Variants in THEMIS observed in about 807,000 individuals in gnomAD.
THEMIS encodes thymocyte selection associated, also known as protein THEMIS.
A neutral mutation model predicts 52.6 loss-of-function variants in THEMIS; 37 were observed. That is an observed-to-expected ratio of 0.70 (90% CI 0.54 to 0.93). THEMIS has a LOEUF of 0.93. Among genes scored for constraint, THEMIS ranks in the 40% least tolerant of loss-of-function variants. The pLI is 0.00. For missense variants in THEMIS, 808 were observed against 763.1 expected (o/e 1.06, Z -0.69); for synonymous variants, 292 against 272.7 (o/e 1.07, Z -0.70).
chr6:127,749,302 T>C (rs1309979189), intron 4 of THEMIS, among the ~76,000 whole-genome samples: 3 of 152,056 alleles, frequency 2.0e-5, no homozygotes, highest in Admixed American at 6.6e-5. Context: ...GTGGTGATTA[T>C]AAACTGACTG....
At chr6:127,844,013 A>T (rs1465072732) in intron 2 of THEMIS, among the ~76,000 whole-genome samples, 1 of 152,008 alleles carries the variant, frequency 6.6e-6, no homozygotes, top group Admixed American at 6.6e-5. Flanking sequence ...CGATTCCTCA[A>T]CCTCATAAAT....
At chr6:127,745,540 T>C (rs565336680) in intron 4 of THEMIS, among the ~76,000 whole-genome samples, 1 of 151,978 alleles carries the variant, frequency 6.6e-6, no homozygotes, top group African/African-American at 2.4e-5. Flanking sequence ...GGTCTGTTGC[T>C]ATCAACATAA....
intron 5 of THEMIS, among the ~76,000 whole-genome samples, chr6:127,719,353 T>A (rs971522870): frequency 1.3e-5 from 2 of 152,006 alleles, no homozygotes; most frequent in Non-Finnish European, 2.9e-5. Flanking sequence ...TTTTAACCTC[T>A]TTTCAAGACA....
the THEMIS span, among the ~76,000 whole-genome samples, chr6:127,702,170 C>T: frequency 6.6e-6 from 1 of 152,060 alleles, no homozygotes; most frequent in African/African-American, 2.4e-5. Context: ...ACTGGATTAA[C>T]AGTTCTCACT....
At chr6:127,746,764 A>C (rs1333080746) in intron 4 of THEMIS, among the ~76,000 whole-genome samples, 4 of 76,378 alleles carry the variant, frequency 5.2e-5, no homozygotes, top group African/African-American at 2.4e-4. Context: ...ATATTATTAT[A>C]TAATTATATT....
intron 1 of THEMIS, among the ~76,000 whole-genome samples, chr6:127,913,710 A>G (rs1194225712): frequency 1.3e-5 from 2 of 152,228 alleles, no homozygotes; most frequent in Non-Finnish European, 2.9e-5. Flanking sequence ...TTTAATCTGT[A>G]TTTGAAGTAA....
upstream of THEMIS, among the ~76,000 whole-genome samples, chr6:127,905,577 A>G (rs1317441899): frequency 2.0e-5 from 3 of 152,082 alleles, no homozygotes; most frequent in Non-Finnish European, 2.9e-5. Flanking sequence ...TGAATATGTC[A>G]GTGAACTGAA....
intron 2 of THEMIS, among the ~76,000 whole-genome samples, chr6:127,835,761 T>A (rs980118336): frequency 6.6e-6 from 1 of 152,114 alleles, no homozygotes; most frequent in Non-Finnish European, 1.5e-5. Flanking sequence ...TTTCCAGGAA[T>A]GATAATTTCC....
At chr6:127,899,236 GTA>G (rs1395764399) in intron 1 of THEMIS, among the ~76,000 whole-genome samples, 1 of 151,662 alleles carries the variant, frequency 6.6e-6, no homozygotes, top group Non-Finnish European at 1.5e-5. Flanking sequence ...CCATAAATAT[GTA>G]TATATATTAT....
chr6:127,899,175 C>T (rs1388433835), intron 1 of THEMIS, among the ~76,000 whole-genome samples: 4 of 151,678 alleles, frequency 2.6e-5, no homozygotes, highest in East Asian at 1.9e-4. Flanking sequence ...AATAATATCC[C>T]CATTACTCTG....
intron 4 of THEMIS, among the ~76,000 whole-genome samples, chr6:127,743,061 A>G (rs1199997658): frequency 6.6e-6 from 1 of 152,186 alleles, no homozygotes; most frequent in Non-Finnish European, 1.5e-5. Flanking sequence ...TATATAGCAC[A>G]TAAAAGGTGA....
At chr6:127,901,977 A>G (rs897585473), upstream of THEMIS, among the ~76,000 whole-genome samples, 3 of 152,052 alleles carry the variant, frequency 2.0e-5, no homozygotes, top group African/African-American at 7.2e-5. Context: ...CAATATTTAA[A>G]ATATATACAA....
chr6:127,829,358 C>A, intron 3 of THEMIS, 118 bp downstream of exon 3: 1 of 788,256 alleles, frequency 1.3e-6, no homozygotes, highest in Non-Finnish European at 2.0e-6. Flanking sequence ...GAATCTAACT[C>A]TCACAGGCTC....
chr6:127,837,746 AT>A (rs749852890), intron 2 of THEMIS, among the ~76,000 whole-genome samples: 1 of 152,048 alleles, frequency 6.6e-6, no homozygotes, highest in Admixed American at 6.6e-5. Flanking sequence ...TTAACTTGAT[AT>A]ATATACAGAG....
intron 1 of THEMIS, chr6:127,909,786 G>A (rs1478321704): frequency 1.3e-5 from 2 of 152,042 alleles, no homozygotes; most frequent in Admixed American, 6.6e-5. Flanking sequence ...ATGGGTGCAG[G>A]TTGGTCAGGA....
intron 1 of THEMIS, among the ~76,000 whole-genome samples, chr6:127,892,431 A>G (rs1273495823): frequency 1.3e-5 from 2 of 152,146 alleles, no homozygotes; most frequent in Non-Finnish European, 2.9e-5. Flanking sequence ...GTGCTTCATG[A>G]CACTTGTATA....
chr6:127,913,275 T>C (rs949703901), intron 1 of THEMIS, among the ~76,000 whole-genome samples: 2 of 152,236 alleles, frequency 1.3e-5, no homozygotes, highest in Non-Finnish European at 2.9e-5. Context: ...TGAAGCCTTT[T>C]CTAATCTTTA....
At chr6:127,792,319 G>C (rs77848563) in intron 4 of THEMIS, among the ~76,000 whole-genome samples, 2,752 of 152,290 alleles carry the variant, frequency 0.018, 109 homozygotes, top group African/African-American at 0.063. Context: ...AAGTACCCGT[G>C]TTCTGTTGGC....
chr6:127,787,862 GATAGATAGATAGATAGAT>G (rs1444198941), intron 4 of THEMIS, among the ~76,000 whole-genome samples: 11 of 125,200 alleles, frequency 8.8e-5, no homozygotes, highest in Non-Finnish European at 1.7e-4. Context: ...TAGATAGATA[GATAGATAGATAGATAGAT>G]ATAGATAGAT....
Sources: gnomAD v4.1 joint callset for allele counts (sites outside exome capture counted in the v4.1 genomes callset) on GRCh38, gnomAD v4.1.1 for gene constraint, MANE v1.5 for transcripts, NCBI Gene and HGNC (gene_info 2026-07-23, HGNC 2026-07-21) for gene names.